DACH2: variants seen among roughly 807,000 people sequenced by gnomAD.
DACH2 encodes dachshund homolog 2.
A neutral mutation model predicts 35.8 loss-of-function variants in DACH2; 17 were observed. The ratio of observed to expected loss-of-function variants is 0.48; its 90% CI spans 0.33 to 0.71. DACH2 has a LOEUF of 0.71. DACH2 is among the 30% of genes least tolerant of loss of function. The probability of loss-of-function intolerance (pLI) is 0.02; values close to 1 mark genes in which losing one functional copy is unlikely to be tolerated. For missense variants in DACH2, 469 were observed against 472.7 expected (o/e 0.99, Z 0.07); for synonymous variants, 195 against 177.3 (o/e 1.10, Z -0.79).
chrX:86,239,793 G>C (rs1191684611), intron 1 of DACH2, among the ~76,000 whole-genome samples: 1 of 112,031 alleles, frequency 8.9e-6, no homozygotes, highest in African/African-American at 3.2e-5. Context: ...ACTTCCATCA[G>C]CAAGCAGAGT....
At chrX:86,343,242 T>C (rs757807761) in intron 1 of DACH2, among the ~76,000 whole-genome samples, 6 of 111,788 alleles carry the variant, frequency 5.4e-5, no homozygotes, top group Non-Finnish European at 7.5e-5. Flanking sequence ...AGGATCCTTA[T>C]TGAGTGGGAA....
intron 2 of DACH2, among the ~76,000 whole-genome samples, chrX:86,382,706 A>C (rs1191719867): frequency 9.0e-6 from 1 of 110,833 alleles, no homozygotes; most frequent in Non-Finnish European, 1.9e-5. Context: ...TAGTCCTGGG[A>C]AAATGTTTTG....
chrX:86,660,910 A>C (rs1386964530), intron 4 of DACH2, among the ~76,000 whole-genome samples: 1 of 111,177 alleles, frequency 9.0e-6, no homozygotes, highest in Non-Finnish European at 1.9e-5. Flanking sequence ...CATTTAATGG[A>C]TTCTACTTTA....
At chrX:86,693,748 A>G (rs2041035229) in intron 4 of DACH2, among the ~76,000 whole-genome samples, 2 of 112,179 alleles carry the variant, frequency 1.8e-5, no homozygotes, top group Non-Finnish European at 3.8e-5. Flanking sequence ...TCAGGGAATT[A>G]ATTGATTCTA....
intron 3 of DACH2, among the ~76,000 whole-genome samples, chrX:86,553,456 C>T (rs769484260): frequency 3.6e-5 from 4 of 111,598 alleles, no homozygotes; most frequent in African/African-American, 1.3e-4. Flanking sequence ...TTGGCAACAT[C>T]GTCACAGACA....
At chrX:86,801,590 A>C (rs1200620776) in intron 7 of DACH2, among the ~76,000 whole-genome samples, 1 of 112,261 alleles carries the variant, frequency 8.9e-6, no homozygotes, top group East Asian at 2.8e-4. Flanking sequence ...TTGCACAGTT[A>C]TTAGTGAGCA....
At chrX:86,154,158 T>C (rs1304069131) in intron 1 of DACH2, among the ~76,000 whole-genome samples, 1 of 111,459 alleles carries the variant, frequency 9.0e-6, no homozygotes, top group Non-Finnish European at 1.9e-5. Flanking sequence ...AGCAGACAAA[T>C]ATAATTGTGA....
At chrX:86,189,289 T>C (rs748975169) in intron 1 of DACH2, among the ~76,000 whole-genome samples, 69 of 111,952 alleles carry the variant, frequency 6.2e-4, no homozygotes, top group Middle Eastern at 9.3e-3. Context: ...TTGAGTGCAG[T>C]AGGCCATCCA....
At chrX:86,633,002 A>T (rs1330100269) in intron 3 of DACH2, among the ~76,000 whole-genome samples, 1 of 110,960 alleles carries the variant, frequency 9.0e-6, no homozygotes, top group Non-Finnish European at 1.9e-5. Context: ...CAAATTAATA[A>T]CCAAATGTTG....
chrX:86,498,655 C>A (rs1218795074), intron 2 of DACH2, among the ~76,000 whole-genome samples: 1 of 112,199 alleles, frequency 8.9e-6, no homozygotes, highest in Admixed American at 9.5e-5. Flanking sequence ...TACTTTGAAT[C>A]TTTAAATTTA....
intron 1 of DACH2, among the ~76,000 whole-genome samples, chrX:86,213,632 C>T (rs1022307706): frequency 9.0e-6 from 1 of 110,653 alleles, no homozygotes; most frequent in South Asian, 3.8e-4. Context: ...TTGTTGGGCC[C>T]AATTTACGCC....
chrX:86,564,173 A>G (rs2039264430), intron 3 of DACH2, among the ~76,000 whole-genome samples: 1 of 111,268 alleles, frequency 9.0e-6, no homozygotes, highest in African/African-American at 3.2e-5. Context: ...ATTTGCTATC[A>G]TTTATAAATT....
At chrX:86,828,373 A>G (rs1482259010) in intron 11 of DACH2, 2 of 111,481 alleles carry the variant, frequency 1.8e-5, no homozygotes, top group East Asian at 5.6e-4. Context: ...AGATTTTACC[A>G]CACCCAGTTT....
chrX:86,829,450 A>G lies in DACH2; in HGVS notation c.1751-2656A>G, dbSNP rs760930037. The G allele has an allele frequency of 4.4e-5, 5 of 112,490 alleles. No homozygotes were observed. The East Asian group carries it at 8.4e-4, about 19-fold the overall frequency. The allele number at this position is 112,490 out of a possible 1,213,427, so 9.3% of individuals were successfully genotyped here. A position where few individuals can be genotyped will look rare whatever the true frequency, so the allele number is the denominator to read the frequency against. ...TTAAATAAGTAGATAAGTTTAACTT[A>G]CCTTGTTTGAACTATGAGGACTCCT... On this transcript the variant is annotated intron_variant, in intron 11 of 11. Coordinates refer to ENST00000373125, the MANE Select transcript of DACH2 (RefSeq NM_053281.3).
chrX:86,296,994 CAG>C (rs1417655334), intron 1 of DACH2, among the ~76,000 whole-genome samples: 3 of 105,504 alleles, frequency 2.8e-5, no homozygotes, highest in Admixed American at 1.0e-4. Flanking sequence ...TTTCTGGCTT[CAG>C]AGTCATGTAT....
chrX:86,709,741 C>T (rs1415385878), intron 5 of DACH2, among the ~76,000 whole-genome samples: 1 of 111,936 alleles, frequency 8.9e-6, no homozygotes, highest in Non-Finnish European at 1.9e-5. Context: ...AAGTCGTAAA[C>T]AGACATCTCA....
chrX:86,826,460 C>CATG (rs1257114928), intron 11 of DACH2, among the ~76,000 whole-genome samples: 1 of 103,195 alleles, frequency 9.7e-6, no homozygotes, highest in East Asian at 2.8e-4. Context: ...AAAAATATGT[C>CATG]ATGTTCTAAA....
chrX:86,457,683 T>C (rs1011908621), intron 2 of DACH2, among the ~76,000 whole-genome samples: 1 of 112,285 alleles, frequency 8.9e-6, no homozygotes, highest in Admixed American at 9.5e-5. Context: ...ATAAGTACTA[T>C]GAAGAAAAAT....
At chrX:86,811,434 CT>C (rs751128917) in intron 7 of DACH2, among the ~76,000 whole-genome samples, 1 of 111,655 alleles carries the variant, frequency 9.0e-6, no homozygotes, top group Non-Finnish European at 1.9e-5. Flanking sequence ...CAATAGACAT[CT>C]TTTTTTGTTT....
Sources: gnomAD v4.1 joint callset for allele counts (sites outside exome capture counted in the v4.1 genomes callset) on GRCh38, gnomAD v4.1.1 for gene constraint, MANE v1.5 for transcripts, NCBI Gene and HGNC (gene_info 2026-07-23, HGNC 2026-07-21) for gene names.